The following DPYD variants were observed in gnomAD, a reference collection of about 807,000 sequenced individuals.
The protein encoded by DPYD is dihydropyrimidine dehydrogenase.
Under a neutral mutation model 116.2 loss-of-function variants are expected in DPYD, and 109 were observed. The ratio of observed to expected loss-of-function variants is 0.94; its 90% CI spans 0.80 to 1.10. The LOEUF is 1.10. DPYD is among the 50% of genes least tolerant of loss of function. The probability of loss-of-function intolerance (pLI) is 0.00; values close to 1 mark genes in which losing one functional copy is unlikely to be tolerated. For synonymous variants in DPYD, 440 were observed against 432.0 expected (o/e 1.02, Z -0.23); for missense variants, 1,302 against 1,254.5 (o/e 1.04, Z -0.57).
At chr1:97,271,750 A>G (rs1226531468) in intron 18 of DPYD, among the ~76,000 whole-genome samples, 1 of 152,172 alleles carries the variant, frequency 6.6e-6, no homozygotes, top group East Asian at 1.9e-4. Context: ...AAATAGCTGC[A>G]TTCTCCTTTC....
intron 2 of DPYD, among the ~76,000 whole-genome samples, chr1:97,860,289 C>G (rs1205994088): frequency 6.6e-6 from 1 of 152,116 alleles, no homozygotes. Context: ...CCTGTCTCTA[C>G]ACAGATAAAT....
chr1:97,840,230 T>G (rs1012588631), intron 2 of DPYD, among the ~76,000 whole-genome samples: 2 of 152,078 alleles, frequency 1.3e-5, no homozygotes, highest in Non-Finnish European at 2.9e-5. Context: ...ATAAAGTGTT[T>G]TTTTAAATGC....
intron 19 of DPYD, among the ~76,000 whole-genome samples, chr1:97,230,651 C>T (rs1661527732): frequency 6.6e-6 from 1 of 152,068 alleles, no homozygotes; most frequent in South Asian, 2.1e-4. Context: ...AAAAAGAAAT[C>T]CAAGCCAATA....
intron 8 of DPYD, among the ~76,000 whole-genome samples, chr1:97,668,949 A>G (rs559706399): frequency 2.6e-5 from 4 of 152,326 alleles, no homozygotes; most frequent in Non-Finnish European, 5.9e-5. Flanking sequence ...ATGTATTAAT[A>G]TAATCTTTGA....
chr1:97,098,810 C>T (rs1570451388), intron 20 of DPYD, among the ~76,000 whole-genome samples, 178 bp from the exon 21 acceptor site: 1 of 151,606 alleles, frequency 6.6e-6, no homozygotes, highest in African/African-American at 2.4e-5. Flanking sequence ...TATCAGGTTC[C>T]GTTAATTATT....
At chr1:97,450,744 T>A (rs1676369859) in intron 13 of DPYD, among the ~76,000 whole-genome samples, 1 of 152,118 alleles carries the variant, frequency 6.6e-6, no homozygotes, top group African/African-American at 2.4e-5. Context: ...TCTAATAAAC[T>A]GGTTATGTGA....
chr1:97,289,204 C>T (rs1339669653), intron 18 of DPYD, among the ~76,000 whole-genome samples: 1 of 152,030 alleles, frequency 6.6e-6, no homozygotes, highest in East Asian at 1.9e-4. Flanking sequence ...AATAGCTTAC[C>T]AACCAAAAAG....
intron 2 of DPYD, among the ~76,000 whole-genome samples, chr1:97,881,865 G>A (rs1274975320): frequency 6.6e-6 from 1 of 151,634 alleles, no homozygotes; most frequent in African/African-American, 2.4e-5. Context: ...CTGTTGTGGG[G>A]TGGGGGGTGG....
chr1:97,079,074 TGA>T lies in DPYD; in HGVS notation c.2978_2979del (p.Leu993GlnfsTer19). 6.2e-7 allele frequency: 1 copy of T among 1,613,782 alleles called. No individual in the cohort carries two copies. Among genetic ancestry groups the T allele is most frequent in the Non-Finnish European group, 8.5e-7 (1 of 1,179,746 alleles). ...ATGCAGTCGACAATAGGGCAAACAC[TGA>T]GACACAGAGTACAGCCTGTACAAGT... Reference protein sequence around the residue: ...TDTCTGCTLCLSVCPIVDCIK... With the variant: ...TDTCTGCTLCXSVCPIVDCIK... On this transcript the variant is annotated frameshift_variant, in exon 23 of 23. Coordinates refer to ENST00000370192, the MANE Select transcript of DPYD (RefSeq NM_000110.4). LOFTEE classifies it high-confidence loss of function.
intron 13 of DPYD, among the ~76,000 whole-genome samples, chr1:97,504,127 A>G (rs1203047465): frequency 5.3e-5 from 8 of 151,974 alleles, no homozygotes; most frequent in African/African-American, 1.9e-4. Context: ...TGCTTCTGGG[A>G]TTATATGAGT....
intron 2 of DPYD, among the ~76,000 whole-genome samples, chr1:97,831,430 C>T (rs1669531935): frequency 6.6e-6 from 1 of 152,128 alleles, no homozygotes; most frequent in Non-Finnish European, 1.5e-5. Flanking sequence ...TCTCAGCCCA[C>T]TTTATATGAA....
intron 20 of DPYD, among the ~76,000 whole-genome samples, chr1:97,191,002 T>A (rs912548542): frequency 5.3e-5 from 8 of 151,884 alleles, no homozygotes; most frequent in Non-Finnish European, 2.9e-5. Context: ...AGGACCAGCA[T>A]ACTATTCTTT....
chr1:97,710,984 A>G (rs946519769), intron 5 of DPYD, among the ~76,000 whole-genome samples: 4 of 151,890 alleles, frequency 2.6e-5, no homozygotes, highest in African/African-American at 9.7e-5. Context: ...CTGAAAATTA[A>G]AAGAGTAATG....
intron 8 of DPYD, among the ~76,000 whole-genome samples, chr1:97,641,655 C>T (rs1657912985): frequency 2.6e-5 from 4 of 152,278 alleles, no homozygotes; most frequent in Admixed American, 2.6e-4. Context: ...ACTGAATGGG[C>T]AAAAGCTGGA....
chr1:97,429,987 A>G (rs762771661), intron 14 of DPYD, among the ~76,000 whole-genome samples: 1 of 152,134 alleles, frequency 6.6e-6, no homozygotes. Flanking sequence ...TTTGGAACCA[A>G]TCTCTTTAAC....
intron 19 of DPYD, among the ~76,000 whole-genome samples, chr1:97,195,673 TATATATATATATATATGC>T (rs1658750086): frequency 3.2e-5 from 2 of 61,732 alleles, no homozygotes; most frequent in African/African-American, 1.5e-4. Context: ...TATATATATA[TATATATATATATATATGC>T]CTAGGAGTTC....
chr1:97,421,722 C>T (rs778457394), intron 14 of DPYD, among the ~76,000 whole-genome samples: 19 of 152,100 alleles, frequency 1.2e-4, no homozygotes, highest in Admixed American at 3.3e-4. Flanking sequence ...TACTGCAACT[C>T]CTCAGGGAGG....
At chr1:97,390,947 G>T (rs1672660976) in intron 14 of DPYD, among the ~76,000 whole-genome samples, 1 of 151,442 alleles carries the variant, frequency 6.6e-6, no homozygotes, top group African/African-American at 2.4e-5. Context: ...TTTCAGCCCA[G>T]ATCTGTACTA....
At chr1:97,184,759 TTATTA>T (rs1465522826) in intron 20 of DPYD, among the ~76,000 whole-genome samples, 1 of 152,190 alleles carries the variant, frequency 6.6e-6, no homozygotes, top group African/African-American at 2.4e-5. Flanking sequence ...TTAAATTCAC[TTATTA>T]TTTTAATAGT....
Sources: gnomAD v4.1 joint callset for allele counts (sites outside exome capture counted in the v4.1 genomes callset) on GRCh38, gnomAD v4.1.1 for gene constraint, MANE v1.5 for transcripts, NCBI Gene and HGNC (gene_info 2026-07-23, HGNC 2026-07-21) for gene names.